Variants in AK9 observed in about 807,000 individuals in gnomAD.
AK9 encodes the protein adenylate kinase 9, also known as adenylate kinase domain containing 1.
In AK9, 191 loss-of-function variants were observed where a neutral mutation model predicts 239.6. The observed-to-expected ratio is 0.80, with a 90% CI of 0.71 to 0.90. The LOEUF (loss-of-function observed/expected upper bound fraction) is 0.90. Among genes scored for constraint, AK9 ranks in the 40% least tolerant of loss-of-function variants. The probability of loss-of-function intolerance (pLI) is 0.00; values close to 1 mark genes in which losing one functional copy is unlikely to be tolerated. For missense variants in AK9, 1,995 were observed against 2,214.7 expected (o/e 0.90, Z 1.99); for synonymous variants, 689 against 721.0 (o/e 0.96, Z 0.71).
intron 8 of AK9, among the ~76,000 whole-genome samples, chr6:109,649,511 G>C (rs1487363312): frequency 6.6e-6 from 1 of 151,994 alleles, no homozygotes; most frequent in African/African-American, 2.4e-5. Context: ...AAAATACCTA[G>C]GAATCCAACT....
chr6:109,643,202 T>A (rs1797668540), intron 9 of AK9, among the ~76,000 whole-genome samples: 1 of 152,264 alleles, frequency 6.6e-6, no homozygotes, highest in Non-Finnish European at 1.5e-5. Flanking sequence ...GACTGAAAAA[T>A]GAGCAGTGAC....
chr6:109,615,415 T>C (rs1312482766), intron 13 of AK9, among the ~76,000 whole-genome samples: 1 of 152,182 alleles, frequency 6.6e-6, no homozygotes, highest in Non-Finnish European at 1.5e-5. Context: ...AATAAATTCA[T>C]TTTGTCCAGC....
chr6:109,673,565 AT>A (rs1469472524), intron 3 of AK9, among the ~76,000 whole-genome samples: 1 of 152,036 alleles, frequency 6.6e-6, no homozygotes, highest in Non-Finnish European at 1.5e-5. Flanking sequence ...TCTCTTATAT[AT>A]TGCAAAGAAT....
In AK9 at chr6:109,494,064, T is replaced by G. The variant is rs377123845; in HGVS notation, c.5450A>C (p.Asn1817Thr). 9.5e-5 allele frequency: 153 copies of G among 1,613,628 alleles called. No individual in the cohort carries two copies. The highest frequency in any genetic ancestry group is 1.2e-4 in the Non-Finnish European group (143 of 1,179,700). Reference protein sequence around the residue: ...GIATSLIKAMNAAGCLKPKFP... With the variant: ...GIATSLIKAMTAAGCLKPKFP... The stretch of plus-strand genomic sequence containing the variant: ...CTTGGGCTTTAAGCATCCCGCTGCA[T>G]TCATTGCTTTAATTAGAGAAGTTGC... The change falls in exon 40 of 41, where the codon AAT (asparagine) becomes ACT (threonine). Residue 1817 changes from asparagine (N) to threonine (T), a missense_variant. This residue lies in a region of AK9 where 391 missense variants were observed against 456.0 expected (regional missense o/e 0.86). Transcript: ENST00000424296.
intron 17 of AK9, among the ~76,000 whole-genome samples, chr6:109,606,291 T>TAGAC (rs1379150756): frequency 1.9e-4 from 29 of 151,534 alleles, no homozygotes; most frequent in Non-Finnish European, 7.4e-5. Context: ...GATAGATAGA[T>TAGAC]AGATAGATAG....
In AK9 at chr6:109,689,510, T is replaced by C. The variant is rs73531421; in HGVS notation, c.-12+1637A>G. Reference sequence around the variant, plus strand: ...CAATGTTCTGCCCTATCAGGCTTCATCCAATAACTGATGGAAGTTGGCGAA... The same window carrying C: ...CAATGTTCTGCCCTATCAGGCTTCACCCAATAACTGATGGAAGTTGGCGAA... On this transcript the variant is annotated intron_variant, in intron 1 of 40. Transcript: ENST00000424296. 8.2e-3 allele frequency among the ~76,000 whole-genome samples: 1,243 copies of C among 152,318 alleles called. 26 individuals are homozygous for C. Among genetic ancestry groups the C allele is most frequent in the African/African-American group, 0.027 (1,104 of 41,566 alleles).
Position 109,494,101 on chromosome 6 carries a change from G to C in AK9, c.5419-6C>G, listed in dbSNP as rs776042227. ...ATTAGAGAAGTTGCAATACCCTGCA[G>C]GGAGGGAACAATTCAAATTCTGTGT... On this transcript the variant is annotated splice_region_variant and splice_polypyrimidine_tract_variant and intron_variant, in intron 39 of 40. Transcript: ENST00000424296. 7.1e-5 allele frequency: 114 copies of C among 1,598,156 alleles called. No individual in the cohort carries two copies. The highest frequency in any genetic ancestry group is 9.7e-5 in the Non-Finnish European group (113 of 1,167,090).
intron 33 of AK9, among the ~76,000 whole-genome samples, chr6:109,508,909 T>G (rs1412315315): frequency 3.9e-5 from 6 of 152,130 alleles, no homozygotes; most frequent in South Asian, 2.1e-4. Flanking sequence ...CAGCCTCCTT[T>G]GTTGAAGTCT....
chr6:109,582,703 G>A (rs998109816), intron 19 of AK9, among the ~76,000 whole-genome samples: 1 of 152,192 alleles, frequency 6.6e-6, no homozygotes, highest in African/African-American at 2.4e-5. Context: ...GGTTGATAAA[G>A]TAGTGGTGGG....
chr6:109,630,067 T>C (rs1583326417), intron 12 of AK9, among the ~76,000 whole-genome samples: 1 of 152,308 alleles, frequency 6.6e-6, no homozygotes, highest in African/African-American at 2.4e-5. Flanking sequence ...TACCAATTTA[T>C]ATTGAAAGTA....
chr6:109,496,861 ACCTC>A (rs1777088214), intron 38 of AK9, among the ~76,000 whole-genome samples: 1 of 151,866 alleles, frequency 6.6e-6, no homozygotes. Flanking sequence ...TCCAACACGG[ACCTC>A]ACTTACAATC....
chr6:109,653,645 T>C (rs1209605936), intron 8 of AK9, among the ~76,000 whole-genome samples: 1 of 150,412 alleles, frequency 6.6e-6, no homozygotes, highest in Admixed American at 6.7e-5. Context: ...ATATTTTCAT[T>C]ACTTGTAGAT....
At chr6:109,689,969 T>A (rs1464398067) in intron 1 of AK9, among the ~76,000 whole-genome samples, 1 of 152,166 alleles carries the variant, frequency 6.6e-6, no homozygotes, top group Non-Finnish European at 1.5e-5. Flanking sequence ...TCCTTCTAGT[T>A]CTTAATAAAA....
chr6:109,544,479 G>A (rs1343210282), intron 26 of AK9, among the ~76,000 whole-genome samples: 1 of 152,124 alleles, frequency 6.6e-6, no homozygotes, highest in African/African-American at 2.4e-5. Flanking sequence ...CCTTGGTACT[G>A]TCATGACGGT....
intron 29 of AK9, among the ~76,000 whole-genome samples, chr6:109,517,308 T>A (rs1338852843): frequency 6.6e-6 from 1 of 152,224 alleles, no homozygotes; most frequent in African/African-American, 2.4e-5. Flanking sequence ...GAAAAATTGT[T>A]TAAAAATTTC....
intron 24 of AK9, among the ~76,000 whole-genome samples, chr6:109,559,167 G>GTTTTTTTTT (rs79796830): frequency 2.1e-5 from 3 of 145,306 alleles, no homozygotes; most frequent in Non-Finnish European, 3.0e-5. Flanking sequence ...ATATCTATCT[G>GTTTTTTTTT]TTTTTTTTTT....
intron 19 of AK9, among the ~76,000 whole-genome samples, chr6:109,584,398 T>A (rs934731539): frequency 1.3e-5 from 2 of 152,134 alleles, no homozygotes; most frequent in Non-Finnish European, 2.9e-5. Context: ...AAAATTTAAT[T>A]CTTAAATGTC....
chr6:109,528,681 G>C, intron 29 of AK9: 1 of 473,738 alleles, frequency 2.1e-6, no homozygotes, highest in Admixed American at 2.3e-5. Context: ...TTCACACCAG[G>C]GTGACATGTG....
In AK9 at chr6:109,647,001, T is replaced by A. The variant is rs372933889; in HGVS notation, c.760-2313A>T. Among the ~76,000 whole-genome samples the A allele has an allele frequency of 5.8e-4, 88 of 152,254 alleles. 1 individual carries two copies. In the East Asian group the frequency reaches 9.7e-3, roughly 17 times the overall value. ...ATCCAGCCAAACTAAGCTTCATAAC[T>A]GAAGGAGAAATAAAATCCTTTACAG... On this transcript the variant is annotated intron_variant, in intron 8 of 40. Transcript: ENST00000424296.
Sources: gnomAD v4.1 joint callset for allele counts (sites outside exome capture counted in the v4.1 genomes callset) on GRCh38, gnomAD v4.1.1 for gene constraint, gnomAD v4.1.1 regional missense constraint, MANE v1.5 for transcripts, NCBI Gene and HGNC (gene_info 2026-07-23, HGNC 2026-07-21) for gene names.